LUZP2: variants seen among roughly 807,000 people sequenced by gnomAD.
LUZP2 encodes leucine zipper protein 2.
A neutral mutation model predicts 51.6 loss-of-function variants in LUZP2; 52 were observed. The ratio of observed to expected loss-of-function variants is 1.01; its 90% confidence interval spans 0.81 to 1.27. The LOEUF is 1.27. Ranked by LOEUF, LUZP2 falls within the 50% of genes most tolerant of loss-of-function variation. The pLI is 0.00. For missense variants in LUZP2, 436 were observed against 395.4 expected, an observed-to-expected ratio of 1.10 and a Z score of -0.87; for synonymous variants, 154 against 137.3, an observed-to-expected ratio of 1.12 and a Z score of -0.85.
intron 1 of LUZP2, among the ~76,000 whole-genome samples, chr11:24,713,683 G>GTCTTTTTT (rs1554978134): frequency 2.2e-5 from 2 of 89,700 alleles, no homozygotes; most frequent in African/African-American, 9.1e-5. Context: ...GTGAGAATCT[G>GTCTTTTTT]TTTTTTTTTT....
chr11:24,705,005 A>G (rs1172641347), intron 1 of LUZP2, among the ~76,000 whole-genome samples: 2 of 152,184 alleles, frequency 1.3e-5, no homozygotes, highest in African/African-American at 4.8e-5. Context: ...ACACACACAT[A>G]CACACATTTA....
In LUZP2 at chr11:24,811,587, AT is replaced by A. The variant is rs760067552; in HGVS notation, c.396+48283del. Among the ~76,000 whole-genome samples the A allele has an allele frequency of 3.0e-4, 46 of 152,024 alleles. 4 individuals are homozygous for A. The highest frequency in any genetic ancestry group is 2.7e-3 in the East Asian group (14 of 5,168). ...GTTGCAGAGGTTTGCTGTATAGATTATTTTGTCGCTGAGGTAATAAACATAG... is the reference window on the plus strand; with the variant it reads ...GTTGCAGAGGTTTGCTGTATAGATTATTTGTCGCTGAGGTAATAAACATAG... On this transcript the variant is annotated intron_variant, in intron 5 of 11. Transcript: ENST00000336930.
chr11:24,598,390 C>T (rs746262355), intron 1 of LUZP2, among the ~76,000 whole-genome samples: 77 of 152,116 alleles, frequency 5.1e-4, no homozygotes, highest in Non-Finnish European at 1.0e-4. Context: ...TCTGTTGAAA[C>T]TCCCTAAATG....
chr11:24,969,927 C>T (rs528974762), intron 7 of LUZP2, among the ~76,000 whole-genome samples: 39 of 152,190 alleles, frequency 2.6e-4, no homozygotes, highest in Non-Finnish European at 4.6e-4. Flanking sequence ...CACACACACA[C>T]GCATACACTT....
intron 1 of LUZP2, among the ~76,000 whole-genome samples, chr11:24,578,673 T>C (rs1007166251): frequency 7.2e-5 from 11 of 151,994 alleles, no homozygotes; most frequent in Admixed American, 6.6e-5. Context: ...AAAAAATTAA[T>C]GCAGAAACAG....
intron 5 of LUZP2, among the ~76,000 whole-genome samples, chr11:24,781,775 G>A (rs1354047267): frequency 6.6e-6 from 1 of 151,684 alleles, no homozygotes; most frequent in Admixed American, 6.6e-5. Context: ...TTTAAATTTA[G>A]CATTTCACAT....
chr11:24,724,453 T>C (rs544107990), intron 1 of LUZP2, among the ~76,000 whole-genome samples: 21 of 152,168 alleles, frequency 1.4e-4, no homozygotes, highest in African/African-American at 5.1e-4. Context: ...GTGTCTATCG[T>C]CCCAGCTAAC....
chr11:24,591,350 T>G (rs895626461), intron 1 of LUZP2, among the ~76,000 whole-genome samples: 6 of 152,180 alleles, frequency 3.9e-5, no homozygotes, highest in African/African-American at 1.4e-4. Flanking sequence ...GCTCAAGCTC[T>G]TCTCATATCC....
chr11:24,827,867 C>G (rs1850588288), intron 5 of LUZP2, among the ~76,000 whole-genome samples: 1 of 152,082 alleles, frequency 6.6e-6, no homozygotes, highest in Non-Finnish European at 1.5e-5. Context: ...AACCCATGAT[C>G]ATAAGGCACA....
chr11:24,732,142 G>A lies in LUZP2; in HGVS notation c.205G>A (p.Ala69Thr). ...LQSLKNDEQS[A>T]KTDVQKLLEL... ...GTCCTTAAAAAACGATGAGCAGTCT[G>A]CCAAAACTGATGTTCAGAAACTTCT... is the stretch of plus-strand genomic sequence containing the variant. Residue 69 changes from alanine (A) to threonine (T), a missense_variant, in exon 3 of 12, where the codon GCC becomes ACC. Physicochemically the swap from Ala to Thr is moderately conservative, Grantham distance 58 (BLOSUM62 0). Transcript: ENST00000336930. 1.9e-6 allele frequency: 3 copies of A among 1,609,152 alleles called. No homozygotes were observed. The highest frequency in any genetic ancestry group is 2.5e-6 in the Non-Finnish European group (3 of 1,177,004).
intron 1 of LUZP2, among the ~76,000 whole-genome samples, chr11:24,571,422 T>C (rs1465951441): frequency 6.6e-6 from 1 of 152,038 alleles, no homozygotes; most frequent in Non-Finnish European, 1.5e-5. Context: ...AATATTAGTA[T>C]ATTTATATTT....
intron 7 of LUZP2, among the ~76,000 whole-genome samples, chr11:24,966,911 A>G (rs988147714): frequency 6.8e-6 from 1 of 148,080 alleles, no homozygotes; most frequent in Non-Finnish European, 1.5e-5. Context: ...TTATATATAT[A>G]TAATATATGA....
At chr11:24,810,083 T>C (rs1015471835) in intron 5 of LUZP2, among the ~76,000 whole-genome samples, 3 of 152,268 alleles carry the variant, frequency 2.0e-5, no homozygotes, top group African/African-American at 7.2e-5. Flanking sequence ...GTGTTCCAGG[T>C]AGTTAACAGC....
chr11:25,024,827 C>T (rs1306397554), intron 9 of LUZP2, among the ~76,000 whole-genome samples: 36 of 147,018 alleles, frequency 2.4e-4, no homozygotes, highest in African/African-American at 3.6e-4. Context: ...AAAAAGAGCC[C>T]GCATCACCAA....
At chr11:24,941,621 G>A (rs1171780562) in intron 7 of LUZP2, among the ~76,000 whole-genome samples, 1 of 151,960 alleles carries the variant, frequency 6.6e-6, no homozygotes, top group Non-Finnish European at 1.5e-5. Flanking sequence ...TAGTTTGGGT[G>A]GTATCCCACT....
intron 6 of LUZP2, among the ~76,000 whole-genome samples, chr11:24,911,013 A>T (rs1271001607): frequency 6.6e-6 from 1 of 152,186 alleles, no homozygotes; most frequent in East Asian, 1.9e-4. Context: ...GATGTGAGAC[A>T]TGGAGTCAAA....
At position 24,764,490 on chromosome 11, in the gene LUZP2, TAAAA is replaced by T. The variant is rs869045272; in HGVS notation, c.396+1205_396+1208del. On this transcript the variant is annotated intron_variant, in intron 5 of 11. Transcript: ENST00000336930. ...GGACAACATGGTAAAATCTCATCTC[TAAAA>T]AAAAAAAAAAAAAAAAAAAAAATTA... Among the ~76,000 whole-genome samples, 80 of 94,024 alleles carry T rather than the reference TAAAA, an allele frequency of 8.5e-4. 1 individual carries two copies. Among genetic ancestry groups the T allele is most frequent in the Middle Eastern group, 6.4e-3 (1 of 156 alleles). The allele number at this position is 94,024 out of a possible 152,430, so 61.7% of individuals were successfully genotyped here. A position where few individuals can be genotyped will look rare whatever the true frequency, so the allele number is the denominator to read the frequency against.
chr11:24,772,823 T>C (rs1028751148), intron 5 of LUZP2, among the ~76,000 whole-genome samples: 3 of 152,146 alleles, frequency 2.0e-5, no homozygotes, highest in African/African-American at 7.2e-5. Context: ...GCTTCAGTAT[T>C]CGTATGCCTC....
intron 5 of LUZP2, among the ~76,000 whole-genome samples, chr11:24,802,956 C>T (rs1489051516): frequency 6.6e-6 from 1 of 151,960 alleles, no homozygotes; most frequent in Non-Finnish European, 1.5e-5. Context: ...TCTTAGACTT[C>T]CCAGCTTTTA....
Sources: gnomAD v4.1 joint callset for allele counts (sites outside exome capture counted in the v4.1 genomes callset) on GRCh38, gnomAD v4.1.1 for gene constraint, MANE v1.5 for transcripts, NCBI Gene and HGNC (gene_info 2026-07-23, HGNC 2026-07-21) for gene names.